The following SHTN1 variants were observed in gnomAD, a reference collection of about 807,000 sequenced individuals.
SHTN1 encodes the protein shootin-1.
Under a neutral mutation model 83.1 loss-of-function variants are expected in SHTN1, and 42 were observed. That is an observed-to-expected ratio of 0.51 (90% CI 0.39 to 0.65). The LOEUF (loss-of-function observed/expected upper bound fraction) is 0.65, where lower values mean the gene tolerates loss of function less well. Ranked by LOEUF, SHTN1 falls within the 30% of genes least tolerant of loss-of-function variation. The pLI, the probability that SHTN1 is intolerant of heterozygous loss-of-function variation, is 0.00. For missense variants in SHTN1, 622 were observed against 737.8 expected (o/e 0.84, Z 1.82); for synonymous variants, 224 against 247.7 (o/e 0.90, Z 0.90).
intron 1 of SHTN1, among the ~76,000 whole-genome samples, chr10:117,087,693 T>C (rs940358761): frequency 2.0e-5 from 3 of 152,174 alleles, no homozygotes; most frequent in African/African-American, 7.2e-5. Flanking sequence ...TAATGATTAA[T>C]ACAATTGATT....
intron 2 of SHTN1, among the ~76,000 whole-genome samples, chr10:117,032,033 T>C (rs1042912915): frequency 2.2e-5 from 3 of 133,354 alleles, no homozygotes; most frequent in East Asian, 2.3e-4. Flanking sequence ...AAGACACACA[T>C]AGACTGAAAA....
intron 1 of SHTN1, among the ~76,000 whole-genome samples, chr10:117,088,214 G>C (rs2133618039): frequency 6.6e-6 from 1 of 152,254 alleles, no homozygotes; most frequent in African/African-American, 2.4e-5. Context: ...AACTGTACCT[G>C]GGTGGATGCA....
intron 2 of SHTN1, among the ~76,000 whole-genome samples, chr10:116,973,629 A>G (rs1196281986): frequency 1.3e-5 from 2 of 152,248 alleles, no homozygotes; most frequent in African/African-American, 2.4e-5. Context: ...AAATGAAGTA[A>G]GCAATTCATA....
intron 9 of SHTN1, among the ~76,000 whole-genome samples, chr10:116,934,585 T>C (rs1849087298): frequency 6.6e-6 from 1 of 152,218 alleles, no homozygotes; most frequent in Non-Finnish European, 1.5e-5. Context: ...GTAGCATAGT[T>C]TGAAGCCAGG....
At chr10:117,039,850 CAA>C (rs71013633) in intron 2 of SHTN1, among the ~76,000 whole-genome samples, 357 of 129,596 alleles carry the variant, frequency 2.8e-3, no homozygotes, top group Middle Eastern at 3.8e-3. Context: ...GAGACTCCAT[CAA>C]AAAAAAAAAA....
intron 1 of SHTN1, among the ~76,000 whole-genome samples, chr10:117,124,929 G>T (rs1853981808): frequency 6.6e-6 from 1 of 152,176 alleles, no homozygotes; most frequent in South Asian, 2.1e-4. Context: ...GGGTTAAGGT[G>T]ATGACTGGGA....
At chr10:117,123,538 C>T (rs1039484327) in intron 1 of SHTN1, among the ~76,000 whole-genome samples, 6 of 152,126 alleles carry the variant, frequency 3.9e-5, no homozygotes, top group Non-Finnish European at 8.8e-5. Flanking sequence ...CAACATCTAC[C>T]TACATTCCAA....
chr10:117,051,218 T>C (rs1030936439), intron 1 of SHTN1, among the ~76,000 whole-genome samples: 1 of 151,656 alleles, frequency 6.6e-6, no homozygotes, highest in African/African-American at 2.4e-5. Context: ...AAATAGAAAA[T>C]CTCAATAGAC....
intron 11 of SHTN1, among the ~76,000 whole-genome samples, chr10:116,924,743 CCTATT>C (rs1848679997): frequency 7.0e-6 from 1 of 142,030 alleles, no homozygotes; most frequent in South Asian, 2.3e-4. Flanking sequence ...AGAATTTTCA[CCTATT>C]TTTTTTTTTT....
chr10:117,110,383 C>T (rs1853747914), intron 1 of SHTN1, among the ~76,000 whole-genome samples: 1 of 152,110 alleles, frequency 6.6e-6, no homozygotes, highest in South Asian at 2.1e-4. Flanking sequence ...GACGGAGTCT[C>T]GCTCTGTTGC....
At chr10:117,119,580 T>C (rs1359474256) in intron 1 of SHTN1, among the ~76,000 whole-genome samples, 1 of 152,176 alleles carries the variant, frequency 6.6e-6, no homozygotes, top group Non-Finnish European at 1.5e-5. Context: ...GGAACCCTCA[T>C]ACACTGTTGG....
At chr10:116,989,992 T>C (rs1479433048) in intron 1 of SHTN1, among the ~76,000 whole-genome samples, 1 of 152,168 alleles carries the variant, frequency 6.6e-6, no homozygotes, top group Non-Finnish European at 1.5e-5. Flanking sequence ...GACACAATCC[T>C]GGGAGAACAG....
chr10:116,973,155 G>A (rs1012646317), intron 2 of SHTN1, among the ~76,000 whole-genome samples: 9 of 152,100 alleles, frequency 5.9e-5, no homozygotes, highest in African/African-American at 1.4e-4. Context: ...TGCTTCAAAG[G>A]GCTCAGCAGA....
At position 116,944,972 on chromosome 10, in the gene SHTN1, C is replaced by T. The variant is rs753510075; in HGVS notation, c.663G>A (p.Leu221=). The part of the protein sequence containing the change: ...VEEYEEMQVN[L]ELEKDLRKKA... Reference sequence around the variant, plus strand: ...TCTTTCGAAGGTCCTTCTCCAGCTCCAGGTTTACTTGCATCTCCTCATACT... The same window carrying T: ...TCTTTCGAAGGTCCTTCTCCAGCTCTAGGTTTACTTGCATCTCCTCATACT... The change falls in exon 8 of 17, where the codon CTG becomes CTA. Residue 221 remains leucine (L), a synonymous_variant. Transcript: ENST00000355371. 6.2e-7 allele frequency: 1 copy of T among 1,612,302 alleles called. No homozygotes were observed. Among genetic ancestry groups the T allele is most frequent in the African/African-American group, 1.3e-5 (1 of 74,820 alleles).
At chr10:116,893,480 G>A (rs1194093832) in intron 16 of SHTN1, among the ~76,000 whole-genome samples, 1 of 151,450 alleles carries the variant, frequency 6.6e-6, no homozygotes, top group Non-Finnish European at 1.5e-5. Context: ...CGTCCATGCA[G>A]TTCATTCTGC....
intron 1 of SHTN1, among the ~76,000 whole-genome samples, chr10:117,054,007 G>A (rs1263408409): frequency 3.3e-5 from 5 of 152,160 alleles, no homozygotes; most frequent in Admixed American, 3.3e-4. Context: ...GCTACATATT[G>A]CATGATTTCA....
chr10:116,967,612 A>C, intron 3 of SHTN1, among the ~76,000 whole-genome samples: 1 of 152,154 alleles, frequency 6.6e-6, no homozygotes. Flanking sequence ...TTTTGTAGTA[A>C]CATCACGTAA....
At chr10:116,915,568 C>T (rs1848355551) in intron 12 of SHTN1, 84 bp from the exon 13 acceptor site, 2 of 750,684 alleles carry the variant, frequency 2.7e-6, no homozygotes, top group African/African-American at 1.8e-5. Context: ...AAAAATTACA[C>T]TATGCAATTA....
chr10:116,916,677 A>G (rs78426797), intron 12 of SHTN1, among the ~76,000 whole-genome samples: 3,459 of 152,264 alleles, frequency 0.023, 126 homozygotes, highest in African/African-American at 0.078. Flanking sequence ...TTTCTGCTAC[A>G]AGGCTAGACT....
Sources: gnomAD v4.1 joint callset for allele counts (sites outside exome capture counted in the v4.1 genomes callset) on GRCh38, gnomAD v4.1.1 for gene constraint, MANE v1.5 for transcripts, NCBI Gene and HGNC (gene_info 2026-07-23, HGNC 2026-07-21) for gene names.